The following SPOCK1 variants were observed in gnomAD, a reference collection of about 807,000 sequenced individuals.
SPOCK1 encodes testican-1.
SPOCK1 carries 23 observed loss-of-function variants against 55.3 expected under a neutral mutation model. The observed-to-expected ratio is 0.42, with a 90% confidence interval of 0.30 to 0.59. The LOEUF (loss-of-function observed/expected upper bound fraction) is 0.59, where lower values mean the gene tolerates loss of function less well. SPOCK1 is among the 20% of genes least tolerant of loss of function. SPOCK1 has a pLI of 0.22. For missense variants in SPOCK1, 499 were observed against 552.5 expected, an observed-to-expected ratio of 0.90 and a Z score of 0.97; for synonymous variants, 226 against 221.0, an observed-to-expected ratio of 1.02 and a Z score of -0.20.
chr5:137,222,929 T>C (rs1755882683), intron 3 of SPOCK1, among the ~76,000 whole-genome samples: 1 of 152,016 alleles, frequency 6.6e-6, no homozygotes. Flanking sequence ...AGTATATTGG[T>C]GGCTTTAAAT....
At chr5:137,155,320 G>T (rs557631791) in intron 3 of SPOCK1, among the ~76,000 whole-genome samples, 35 of 152,248 alleles carry the variant, frequency 2.3e-4, no homozygotes, top group African/African-American at 7.9e-4. Context: ...TGCCAGAATG[G>T]CCCTGCTATC....
intron 4 of SPOCK1, among the ~76,000 whole-genome samples, chr5:137,134,533 G>C (rs1174630392): frequency 6.6e-6 from 1 of 152,228 alleles, no homozygotes; most frequent in Non-Finnish European, 1.5e-5. Flanking sequence ...AGCAATGCAT[G>C]AGCCACTTGG....
intron 3 of SPOCK1, among the ~76,000 whole-genome samples, chr5:137,200,928 T>C (rs1755414160): frequency 6.6e-6 from 1 of 152,212 alleles, no homozygotes; most frequent in Admixed American, 6.5e-5. Flanking sequence ...AATTGAAAAG[T>C]TGGGCCAGTG....
chr5:137,242,716 T>C (rs1387956334), intron 3 of SPOCK1, among the ~76,000 whole-genome samples: 1 of 152,102 alleles, frequency 6.6e-6, no homozygotes, highest in Non-Finnish European at 1.5e-5. Context: ...CCAGCCTGGG[T>C]GACAGGGTGA....
At chr5:137,390,682 C>T (rs1327098134) in intron 2 of SPOCK1, among the ~76,000 whole-genome samples, 1 of 152,178 alleles carries the variant, frequency 6.6e-6, no homozygotes, top group Non-Finnish European at 1.5e-5. Flanking sequence ...TCCCTCTGCA[C>T]ATTAACATGG....
At chr5:137,184,515 T>C (rs1278125738) in intron 3 of SPOCK1, among the ~76,000 whole-genome samples, 3 of 152,198 alleles carry the variant, frequency 2.0e-5, no homozygotes, top group Non-Finnish European at 4.4e-5. Flanking sequence ...CTCCCTAAGC[T>C]GCTGGGCAAG....
At chr5:137,460,246 G>C (rs1330948199) in intron 2 of SPOCK1, among the ~76,000 whole-genome samples, 1 of 152,146 alleles carries the variant, frequency 6.6e-6, no homozygotes, top group East Asian at 1.9e-4. Context: ...AAGAAGTCTG[G>C]GAGATCTGGC....
At chr5:137,328,345 C>G (rs1758113875) in intron 2 of SPOCK1, among the ~76,000 whole-genome samples, 1 of 152,150 alleles carries the variant, frequency 6.6e-6, no homozygotes, top group Non-Finnish European at 1.5e-5. Flanking sequence ...CAAGGATGAC[C>G]TATGCCCTCC....
intron 6 of SPOCK1, among the ~76,000 whole-genome samples, chr5:137,064,058 C>T (rs1461730825): frequency 1.3e-5 from 2 of 151,980 alleles, no homozygotes; most frequent in Non-Finnish European, 2.9e-5. Flanking sequence ...GAGGATTCAC[C>T]GTGACCTTAG....
chr5:137,321,253 G>A (rs970457786), intron 2 of SPOCK1, among the ~76,000 whole-genome samples: 1 of 149,382 alleles, frequency 6.7e-6, no homozygotes, highest in African/African-American at 2.5e-5. Flanking sequence ...ACACCACAGA[G>A]ACCAATAGGT....
chr5:137,071,923 T>C (rs1752621927), intron 5 of SPOCK1, among the ~76,000 whole-genome samples: 2 of 152,224 alleles, frequency 1.3e-5, no homozygotes, highest in South Asian at 4.1e-4. Flanking sequence ...AGACTATAAA[T>C]CTCTGTTGTT....
At chr5:137,375,210 C>T (rs1252576157) in intron 2 of SPOCK1, among the ~76,000 whole-genome samples, 1 of 152,098 alleles carries the variant, frequency 6.6e-6, no homozygotes, top group African/African-American at 2.4e-5. Context: ...AACAGATAAA[C>T]TGTAGTAATA....
At chr5:137,106,126 C>A (rs1015715605) in intron 5 of SPOCK1, among the ~76,000 whole-genome samples, 3 of 148,830 alleles carry the variant, frequency 2.0e-5, no homozygotes, top group East Asian at 1.9e-4. Context: ...CCCCACCCCC[C>A]ACCACAACCA....
At chr5:136,992,803 C>A (rs75857166) in intron 6 of SPOCK1, 3 of 469,172 alleles carry the variant, frequency 6.4e-6, no homozygotes, top group African/African-American at 4.0e-5. Flanking sequence ...CCAGGGCAAG[C>A]AGCCTTTGTT....
chr5:137,340,713 T>G (rs1750400988), intron 2 of SPOCK1, among the ~76,000 whole-genome samples: 1 of 152,126 alleles, frequency 6.6e-6, no homozygotes, highest in Admixed American at 6.5e-5. Context: ...AAAACTCGTC[T>G]CTACTAAAAA....
At chr5:137,298,710 T>C (rs1757533932) in intron 2 of SPOCK1, among the ~76,000 whole-genome samples, 1 of 152,204 alleles carries the variant, frequency 6.6e-6, no homozygotes, top group Non-Finnish European at 1.5e-5. Context: ...TTAGGTTTTC[T>C]GGGTGAACTG....
chr5:137,472,377 CAA>C (rs145700660), intron 2 of SPOCK1, among the ~76,000 whole-genome samples: 3 of 134,058 alleles, frequency 2.2e-5, no homozygotes, highest in Admixed American at 7.5e-5. Flanking sequence ...ATTAGGTGTA[CAA>C]AAAAAAAAAA....
At chr5:137,334,856 T>TG (rs202084006) in intron 2 of SPOCK1, among the ~76,000 whole-genome samples, 18,908 of 152,178 alleles carry the variant, frequency 0.12, 2,193 homozygotes, top group African/African-American at 0.31. Flanking sequence ...TGAAAACAGG[T>TG]GGTACTGACC....
In SPOCK1 at chr5:137,052,438, C is replaced by T. The variant is rs17703142; in HGVS notation, c.589+15277G>A. Among the ~76,000 whole-genome samples the T allele has an allele frequency of 0.01, 1,591 of 152,308 alleles. 41 individuals carry two copies. In the East Asian group the frequency reaches 0.13, roughly 12 times the overall value. On this transcript the variant is annotated intron_variant, in intron 6 of 10. Coordinates refer to ENST00000394945, the MANE Select transcript of SPOCK1 (RefSeq NM_004598.4). Reference sequence around the variant, plus strand: ...TCTGACTAGGCATTCCTACACATCACTTGTGGCACATCTTTTCTGAAAGAA... The same window carrying T: ...TCTGACTAGGCATTCCTACACATCATTTGTGGCACATCTTTTCTGAAAGAA...
Sources: gnomAD v4.1 joint callset for allele counts (sites outside exome capture counted in the v4.1 genomes callset) on GRCh38, gnomAD v4.1.1 for gene constraint, MANE v1.5 for transcripts, NCBI Gene and HGNC (gene_info 2026-07-23, HGNC 2026-07-21) for gene names.